The following EPHA5 variants were observed in gnomAD, a reference collection of about 807,000 sequenced individuals.
EPHA5 encodes the protein ephrin type-A receptor 5.
A neutral mutation model predicts 105.0 loss-of-function variants in EPHA5; 60 were observed. The observed-to-expected ratio is 0.57, with a 90% confidence interval of 0.46 to 0.71. The LOEUF is 0.71. Ranked by LOEUF, EPHA5 falls within the 30% of genes least tolerant of loss-of-function variation. EPHA5 has a pLI of 0.00. For synonymous variants in EPHA5, 513 were observed against 449.1 expected (o/e 1.14, Z -1.80); for missense variants, 1,218 against 1,274.7 (o/e 0.96, Z 0.68).
chr4:65,389,895 T>C (rs1251806984), intron 8 of EPHA5, among the ~76,000 whole-genome samples: 1 of 151,934 alleles, frequency 6.6e-6, no homozygotes, highest in Non-Finnish European at 1.5e-5. Context: ...CCCAATTAAT[T>C]TCCACAGGGA....
chr4:65,418,985 G>A (rs1723677665), intron 6 of EPHA5, among the ~76,000 whole-genome samples: 1 of 141,822 alleles, frequency 7.1e-6, no homozygotes, highest in Non-Finnish European at 1.5e-5. Flanking sequence ...CTGGGTTCAA[G>A]CAATTCTCCT....
chr4:65,597,459 A>T (rs1352123813), intron 3 of EPHA5, among the ~76,000 whole-genome samples: 3 of 21,172 alleles, frequency 1.4e-4, no homozygotes, highest in African/African-American at 3.0e-4. Flanking sequence ...ATTTTTTACT[A>T]AAAAAAAAAA....
intron 14 of EPHA5, among the ~76,000 whole-genome samples, chr4:65,346,463 T>C (rs1190531384): frequency 2.6e-5 from 4 of 152,144 alleles, no homozygotes; most frequent in African/African-American, 4.8e-5. Context: ...TTTTATATTC[T>C]GATTTTGACA....
intron 1 of EPHA5, among the ~76,000 whole-genome samples, chr4:65,664,574 T>C (rs1054203273): frequency 4.5e-4 from 69 of 151,920 alleles, no homozygotes; most frequent in Admixed American, 4.5e-3. Flanking sequence ...ACTATCCCAT[T>C]AGGTATATAA....
At chr4:65,558,714 C>A (rs1204228498) in intron 3 of EPHA5, among the ~76,000 whole-genome samples, 1 of 151,992 alleles carries the variant, frequency 6.6e-6, no homozygotes, top group Non-Finnish European at 1.5e-5. Flanking sequence ...ACAACAGGCC[C>A]TGGTGTGTGA....
rs202191641 is a variant in EPHA5, at chr4:65,421,154, A to G, written c.1403-589T>C. 8.5e-5 allele frequency among the ~76,000 whole-genome samples: 13 copies of G among 152,216 alleles called. No homozygotes were observed. The East Asian group carries it at 2.1e-3, about 25-fold the overall frequency. On this transcript the variant is annotated intron_variant, in intron 5 of 16. Coordinates refer to ENST00000613740, the MANE Select transcript of EPHA5 (RefSeq NM_001281766.3). ...CTCATATATTTCCTTAGAAATCATA[A>G]TCACTTCTGGTGATCATCACAATTT...
At chr4:65,587,761 A>G (rs778257272) in intron 3 of EPHA5, among the ~76,000 whole-genome samples, 11 of 152,004 alleles carry the variant, frequency 7.2e-5, no homozygotes, top group Admixed American at 6.6e-4. Flanking sequence ...TATTTGTTCC[A>G]TCTTCCCGCT....
intron 8 of EPHA5, among the ~76,000 whole-genome samples, chr4:65,388,569 T>C (rs1159854059): frequency 6.6e-6 from 1 of 151,900 alleles, no homozygotes. Context: ...TGATGGCCAG[T>C]GATGATGAGT....
intron 8 of EPHA5, among the ~76,000 whole-genome samples, chr4:65,393,182 A>G (rs990386197): frequency 6.6e-5 from 10 of 152,192 alleles, no homozygotes; most frequent in African/African-American, 2.4e-4. Context: ...AAAAGAGTGT[A>G]GAGTGAGAGA....
chr4:65,567,011 A>G (rs1739609410), intron 3 of EPHA5, among the ~76,000 whole-genome samples: 1 of 151,620 alleles, frequency 6.6e-6, no homozygotes, highest in Non-Finnish European at 1.5e-5. Flanking sequence ...CTGACTACAC[A>G]CACCCATATA....
intron 3 of EPHA5, chr4:65,573,839 C>A (rs560318714): frequency 5.6e-6 from 9 of 1,613,264 alleles, no homozygotes; most frequent in African/African-American, 1.3e-5. Flanking sequence ...AGCTGTTGAG[C>A]CACGGCAAAA....
chr4:65,331,797 C>T, intron 16 of EPHA5, 176 bp downstream of exon 16: 4 of 1,266,878 alleles, frequency 3.2e-6, no homozygotes, highest in Non-Finnish European at 4.0e-6. Context: ...ATACTGGCCA[C>T]ATGTAGCATT....
intron 7 of EPHA5, among the ~76,000 whole-genome samples, chr4:65,413,254 G>A (rs13130185): frequency 0.54 from 82,372 of 151,820 alleles, 24,736 homozygotes; most frequent in South Asian, 0.69. Context: ...TTTCCTTTGC[G>A]TAGAAAACAA....
At chr4:65,350,805 C>T (rs7671686) in intron 13 of EPHA5, among the ~76,000 whole-genome samples, 84,195 of 151,684 alleles carry the variant, frequency 0.56, 23,941 homozygotes, top group East Asian at 0.81. Flanking sequence ...ATAGTGTAGA[C>T]GTAACAGTTT....
intron 1 of EPHA5, among the ~76,000 whole-genome samples, chr4:65,652,495 A>G (rs1356474296): frequency 6.6e-6 from 1 of 152,150 alleles, no homozygotes; most frequent in Non-Finnish European, 1.5e-5. Flanking sequence ...GAAAAACACT[A>G]ATAGGGCAAG....
chr4:65,508,304 A>G (rs1560623132), intron 3 of EPHA5, among the ~76,000 whole-genome samples: 1 of 152,158 alleles, frequency 6.6e-6, no homozygotes, highest in Non-Finnish European at 1.5e-5. Flanking sequence ...TCATAAAATA[A>G]GTCCAGCTAT....
chr4:65,333,539 CTGTGTGTGTGTGTGTGTGTGTGTG>C lies in EPHA5; in HGVS notation c.2790-1435_2790-1412del, dbSNP rs56925203. 3.6e-5 allele frequency among the ~76,000 whole-genome samples: 4 copies of C among 111,880 alleles called. No individual in the cohort carries two copies. The South Asian group carries it at 1.1e-3, about 30-fold the overall frequency. 73.4% of individuals were successfully genotyped at this position (111,880 alleles called of 152,430 possible). A position where few individuals can be genotyped will look rare whatever the true frequency, so the allele number is the denominator to read the frequency against. On this transcript the variant is annotated intron_variant, in intron 15 of 16. Transcript: ENST00000613740. ...TGCGTGTGCGTGTGAGAGTGTGTGT[CTGTGTGTGTGTGTGTGTGTGTGTG>C]TGTGTGTGTGTGTGTGCTGGATTCC...
chr4:65,558,193 T>C (rs781077894), intron 3 of EPHA5, among the ~76,000 whole-genome samples: 4 of 152,096 alleles, frequency 2.6e-5, no homozygotes, highest in Non-Finnish European at 4.4e-5. Context: ...TCTTAATCTG[T>C]AGTACTCAGA....
chr4:65,403,041 C>T (rs557691461), intron 8 of EPHA5, among the ~76,000 whole-genome samples: 8 of 152,154 alleles, frequency 5.3e-5, no homozygotes, highest in East Asian at 1.9e-4. Flanking sequence ...ATTCTAAAAA[C>T]GCGTAAATGC....
Sources: allele counts gnomAD v4.1 joint callset (sites outside exome capture counted in the v4.1 genomes callset), GRCh38; gene constraint gnomAD v4.1.1; transcripts MANE v1.5; gene names NCBI Gene and HGNC (gene_info 2026-07-23, HGNC 2026-07-21).